Variants in DEAF1 observed in about 807,000 individuals in gnomAD.
The protein encoded by DEAF1 is DEAF1 transcription factor, also known as deformed epidermal autoregulatory factor 1 homolog.
DEAF1 carries 53 observed loss-of-function variants against 58.9 expected under a neutral mutation model. The observed-to-expected ratio is 0.90, with a 90% CI of 0.72 to 1.13. The LOEUF (loss-of-function observed/expected upper bound fraction) is 1.13. Among genes scored for constraint, DEAF1 ranks in the 50% most tolerant of loss-of-function variants. The pLI, the probability that DEAF1 is intolerant of heterozygous loss-of-function variation, is 0.00. For missense variants in DEAF1, 685 were observed against 791.4 expected (o/e 0.87, Z 1.61); for synonymous variants, 385 against 340.4 (o/e 1.13, Z -1.44).
At position 703,546 on chromosome 11, in the gene DEAF1, C is replaced by G. The variant is rs144509884; in HGVS notation, c.-438+3026G>C. ...CATCTCACTGCATCCCCCATCACCC[C>G]CTAGTTCCCCAATGGTCCTAATTTG... is the stretch of plus-strand genomic sequence containing the variant. On this transcript the variant is annotated intron_variant, in intron 1 of 11. Coordinates refer to the DEAF1 transcript ENST00000683307. The G allele has an allele frequency of 1.7e-3, 2,120 of 1,234,298 alleles. 3 individuals carry two copies. Among genetic ancestry groups the G allele is most frequent in the Non-Finnish European group, 1.8e-3 (1,830 of 989,746 alleles). The allele number at this position is 1,234,298 out of a possible 1,614,324, so 76.5% of individuals were successfully genotyped here. A position where few individuals can be genotyped will look rare whatever the true frequency, so the allele number is the denominator to read the frequency against.
chr11:689,993 T>C (rs1860758150), intron 2 of DEAF1, among the ~76,000 whole-genome samples: 3 of 151,686 alleles, frequency 2.0e-5, no homozygotes, highest in Non-Finnish European at 2.9e-5. Context: ...CACGTGGCCA[T>C]GGGTCAGCTT....
Position 694,839 on chromosome 11 carries a change from G to T in DEAF1, c.209C>A (p.Ala70Glu), listed in dbSNP as rs1386289674. The T allele has an allele frequency of 2.0e-6, 3 of 1,471,762 alleles. No individual in the cohort carries two copies. The highest frequency in any genetic ancestry group is 2.9e-5 in the African/African-American group (2 of 68,994). The allele number at this position is 1,471,762 out of a possible 1,614,324, so 91.2% of individuals were successfully genotyped here. Residue 70 changes from alanine to glutamate, a missense_variant, in exon 1 of 12, where the codon GCG becomes GAG. By Grantham distance (107) the Ala-to-Glu change is moderately radical (BLOSUM62 -1). Coordinates refer to ENST00000382409, the MANE Select transcript of DEAF1 (RefSeq NM_021008.4). ...CATGTCCATGTGCCCGGGCTCCGCC[G>T]CCATCACCGCCACTGCCGTGACCCG... is the stretch of plus-strand genomic sequence containing the variant. ...TPRVTAVAVM[A>E]AEPGHMDMGA...
intron 5 of DEAF1, among the ~76,000 whole-genome samples, chr11:685,661 C>T (rs1373923654): frequency 6.6e-6 from 1 of 151,994 alleles, no homozygotes; most frequent in East Asian, 1.9e-4. Flanking sequence ...CACCACTGCA[C>T]TCCAGCCTGG....
In DEAF1 at chr11:701,202, C is replaced by T. The variant is rs116668935; in HGVS notation, c.-438+5370G>A. On this transcript the variant is annotated intron_variant, in intron 1 of 11. Transcript: ENST00000683307. ...TTCCAGTGACCTACTTTTTTTGAGA[C>T]GAGGTCTCACTCTGTTGCCCAGGCT... 3.9e-3 allele frequency: 698 copies of T among 179,496 alleles called. 6 individuals are homozygous for T. The highest frequency in any genetic ancestry group is 0.016 in the African/African-American group (664 of 42,354). 11.1% of individuals were successfully genotyped at this position (179,496 alleles called of 1,614,324 possible).
chr11:694,777 C>T lies in DEAF1; in HGVS notation c.271G>A (p.Ala91Thr), dbSNP rs1361008095. The T allele has an allele frequency of 1.4e-5, 19 of 1,328,786 alleles. 1 individual carries two copies. Among genetic ancestry groups the T allele is most frequent in the Admixed American group, 1.2e-4 (3 of 24,968 alleles). The allele number at this position is 1,328,786 out of a possible 1,614,324, so 82.3% of individuals were successfully genotyped here. A position where few individuals can be genotyped will look rare whatever the true frequency, so the allele number is the denominator to read the frequency against. Residue 91 changes from alanine (A) to threonine (T), a missense_variant, in exon 1 of 12, where the codon GCT (alanine) becomes ACT (threonine). This residue lies in a region of DEAF1 where 210 missense variants were observed against 177.3 expected (regional missense o/e 1.18). Coordinates refer to ENST00000382409, the MANE Select transcript of DEAF1 (RefSeq NM_021008.4). ...CACTTGCCTGCGAAGGCTGCGGCAG[C>T]GGCGGCCTCGTCGGGGCCGGGCAGG... is the stretch of plus-strand genomic sequence containing the variant. ...EALPGPDEAA[A>T]AAAFAEVTTV...
chr11:662,171 C>T (rs11246250), intron 10 of DEAF1, among the ~76,000 whole-genome samples: 2,774 of 152,200 alleles, frequency 0.018, 77 homozygotes, highest in African/African-American at 0.062. Flanking sequence ...CCCAGCTACT[C>T]GAGAGGCTGA....
chr11:698,788 G>T (rs1861313673), upstream of DEAF1: 20 of 1,509,094 alleles, frequency 1.3e-5, no homozygotes, highest in Non-Finnish European at 1.8e-5. Flanking sequence ...AAGCAGGGGT[G>T]GTTCCTGTCA....
intron 1 of DEAF1, among the ~76,000 whole-genome samples, chr11:702,726 C>T (rs1461133580): frequency 6.6e-6 from 1 of 152,244 alleles, no homozygotes; most frequent in Non-Finnish European, 1.5e-5. Context: ...GTTGCAGGGG[C>T]ACCTCCCCCA....
In DEAF1 at chr11:694,720, G is replaced by A. The variant is rs1294280671; in HGVS notation, c.289+39C>T. On this transcript the variant is annotated intron_variant, in intron 1 of 11. Coordinates refer to ENST00000382409, the MANE Select transcript of DEAF1 (RefSeq NM_021008.4). ...GGGCAGGCGCGCGGGGTAGGCGCGCGGGAACCGGACGAGGCGAGAGGCCGG... is the reference window on the plus strand; with the variant it reads ...GGGCAGGCGCGCGGGGTAGGCGCGCAGGAACCGGACGAGGCGAGAGGCCGG... 4.7e-6 allele frequency: 6 copies of A among 1,287,640 alleles called. No individual in the cohort carries two copies. The South Asian group carries it at 7.3e-5, about 16-fold the overall frequency. The allele number at this position is 1,287,640 out of a possible 1,614,324, so 79.8% of individuals were successfully genotyped here. A position where few individuals can be genotyped will look rare whatever the true frequency, so the allele number is the denominator to read the frequency against.
At chr11:690,949 C>T (rs889370120) in intron 2 of DEAF1, among the ~76,000 whole-genome samples, 3 of 152,202 alleles carry the variant, frequency 2.0e-5, no homozygotes, top group Non-Finnish European at 4.4e-5. Context: ...CCCAGATCGC[C>T]GAAGGCCCCA....
chr11:645,877 G>A (rs926643303), intron 11 of DEAF1, among the ~76,000 whole-genome samples: 2 of 152,198 alleles, frequency 1.3e-5, no homozygotes, highest in African/African-American at 4.8e-5. Flanking sequence ...GTACGTATAT[G>A]ACACACAGAG....
intron 10 of DEAF1, among the ~76,000 whole-genome samples, chr11:672,081 G>A (rs1339060422): frequency 1.3e-5 from 2 of 152,142 alleles, no homozygotes; most frequent in Non-Finnish European, 2.9e-5. Context: ...TAATGACCAT[G>A]CATTCCTCCT....
In DEAF1 at chr11:688,110, T is replaced by A; in HGVS notation, c.518-53A>T. The A allele has an allele frequency of 6.2e-7, 1 of 1,610,268 alleles. No homozygotes were observed. The highest frequency in any genetic ancestry group is 1.7e-4 in the Middle Eastern group (1 of 5,850). ...AGAGGCCGGACACCGGGAAGCATAGTACACTCTCATCTCAGACACCACCTC... is the reference window on the plus strand; with the variant it reads ...AGAGGCCGGACACCGGGAAGCATAGAACACTCTCATCTCAGACACCACCTC... On this transcript the variant is annotated intron_variant, in intron 3 of 11. Transcript: ENST00000382409. This position sits in a 1 kb window ranked among gnomAD's most constrained non-coding sequence, Gnocchi z 4.3.
Position 654,138 on chromosome 11 carries a change from G to A in DEAF1, c.1504-87C>T. On this transcript the variant is annotated intron_variant, in intron 10 of 11. Coordinates refer to ENST00000382409, the MANE Select transcript of DEAF1 (RefSeq NM_021008.4). ...GGGACAGAGGCAGGTGCAGGCAGGAGGCCCCAAGTTCCCCCCATTGGACCC... is the reference window on the plus strand; with the variant it reads ...GGGACAGAGGCAGGTGCAGGCAGGAAGCCCCAAGTTCCCCCCATTGGACCC... The A allele has an allele frequency of 4.0e-6, 4 of 1,010,814 alleles. No individual in the cohort carries two copies. In the Admixed American group the frequency reaches 5.8e-5, roughly 15 times the overall value. 62.6% of individuals were successfully genotyped at this position (1,010,814 alleles called of 1,614,324 possible).
chr11:686,701 G>A (rs1860608033), intron 5 of DEAF1, among the ~76,000 whole-genome samples, 157 bp downstream of exon 5: 2 of 152,204 alleles, frequency 1.3e-5, no homozygotes, highest in Admixed American at 1.3e-4. Context: ...AAACATGAGA[G>A]GGTAAATCAC....
At chr11:655,170 G>A (rs1041914131) in intron 10 of DEAF1, among the ~76,000 whole-genome samples, 2 of 152,056 alleles carry the variant, frequency 1.3e-5, no homozygotes, top group Non-Finnish European at 2.9e-5. Flanking sequence ...GGAGTCCACC[G>A]CTCCCAACAC....
upstream of DEAF1, chr11:697,518 A>T (rs1861253562): frequency 6.6e-6 from 1 of 152,262 alleles, no homozygotes; most frequent in Non-Finnish European, 1.5e-5. Flanking sequence ...AATTATTAAA[A>T]TGTTACATCA....
intron 10 of DEAF1, among the ~76,000 whole-genome samples, chr11:664,075 T>A (rs1859430395): frequency 6.6e-6 from 1 of 151,750 alleles, no homozygotes; most frequent in African/African-American, 2.4e-5. Context: ...TAGCCAGGCG[T>A]GGTGGCACAT....
At chr11:670,997 C>T (rs531715689) in intron 10 of DEAF1, among the ~76,000 whole-genome samples, 2 of 146,920 alleles carry the variant, frequency 1.4e-5, no homozygotes, top group African/African-American at 5.1e-5. Flanking sequence ...GGCGCGATCT[C>T]GGCTCACTGC....
Sources: allele counts gnomAD v4.1 joint callset (sites outside exome capture counted in the v4.1 genomes callset), GRCh38; gene constraint gnomAD v4.1.1; regional missense constraint gnomAD v4.1.1; non-coding constraint Gnocchi (gnomAD v3.1); transcripts MANE v1.5; gene names NCBI Gene and HGNC (gene_info 2026-07-23, HGNC 2026-07-21).